Variants in CHST11 observed in about 807,000 individuals in gnomAD.
CHST11 encodes carbohydrate sulfotransferase 11.
Under a neutral mutation model 30.4 loss-of-function variants are expected in CHST11, and 9 were observed. The observed-to-expected ratio is 0.30, with a 90% CI of 0.18 to 0.52. CHST11 has a LOEUF of 0.52. Ranked by LOEUF, CHST11 falls within the 20% of genes least tolerant of loss-of-function variation. The pLI is 0.97. For missense variants in CHST11, 348 were observed against 460.6 expected, an observed-to-expected ratio of 0.76 and a Z score of 2.24; for synonymous variants, 152 against 187.8, an observed-to-expected ratio of 0.81 and a Z score of 1.56.
chr12:104,502,142 C>G (rs930684328), intron 1 of CHST11, among the ~76,000 whole-genome samples: 1 of 151,960 alleles, frequency 6.6e-6, no homozygotes, highest in African/African-American at 2.4e-5. Flanking sequence ...ATCTTCCTGT[C>G]TCGACCTCCT....
At chr12:104,605,663 T>C (rs1252246524) in intron 2 of CHST11, among the ~76,000 whole-genome samples, 1 of 152,250 alleles carries the variant, frequency 6.6e-6, no homozygotes, top group Non-Finnish European at 1.5e-5. Flanking sequence ...TTCCTGGTTC[T>C]CTGCTGTTTC....
intron 2 of CHST11, among the ~76,000 whole-genome samples, chr12:104,744,111 G>A (rs1592870626): frequency 6.6e-6 from 1 of 152,126 alleles, no homozygotes; most frequent in Non-Finnish European, 1.5e-5. Context: ...ATTCCTTTGG[G>A]TATATACCCA....
At chr12:104,734,966 C>G (rs185146133) in intron 2 of CHST11, among the ~76,000 whole-genome samples, 1 of 152,338 alleles carries the variant, frequency 6.6e-6, no homozygotes, top group African/African-American at 2.4e-5. Flanking sequence ...CTCATCAGGG[C>G]AAACTGCAAA....
intron 1 of CHST11, among the ~76,000 whole-genome samples, chr12:104,462,407 A>G (rs998875850): frequency 6.6e-6 from 1 of 152,138 alleles, no homozygotes; most frequent in Non-Finnish European, 1.5e-5. Flanking sequence ...AGACAAATAC[A>G]TCATTGTCAC....
chr12:104,723,869 T>G (rs138912131), intron 2 of CHST11, among the ~76,000 whole-genome samples: 36 of 152,300 alleles, frequency 2.4e-4, no homozygotes, highest in African/African-American at 7.7e-4. Flanking sequence ...GGAATGAAAT[T>G]TTGACACAAG....
chr12:104,629,360 G>A (rs927883594), intron 2 of CHST11, among the ~76,000 whole-genome samples: 5 of 152,218 alleles, frequency 3.3e-5, no homozygotes, highest in Non-Finnish European at 7.3e-5. Flanking sequence ...GTTGTTGGCA[G>A]AAATTGTTTC....
chr12:104,527,178 G>A (rs1408035355), intron 1 of CHST11, among the ~76,000 whole-genome samples: 1 of 152,202 alleles, frequency 6.6e-6, no homozygotes, highest in Non-Finnish European at 1.5e-5. Context: ...TCATTAGGGT[G>A]GATACTAATC....
At chr12:104,617,074 G>T (rs1396473600) in intron 2 of CHST11, among the ~76,000 whole-genome samples, 3 of 152,186 alleles carry the variant, frequency 2.0e-5, no homozygotes, top group African/African-American at 2.4e-5. Flanking sequence ...CAGCCTCTCG[G>T]TCTCTCTGGA....
At chr12:104,626,161 C>G (rs1240191157) in intron 2 of CHST11, among the ~76,000 whole-genome samples, 1 of 152,084 alleles carries the variant, frequency 6.6e-6, no homozygotes, top group Non-Finnish European at 1.5e-5. Flanking sequence ...GCTGTGGGTT[C>G]CTTTTACAAT....
chr12:104,601,820 C>A, intron 1 of CHST11, 86 bp from the exon 2 acceptor site: 1 of 1,065,196 alleles, frequency 9.4e-7, no homozygotes, highest in South Asian at 1.4e-5. Context: ...CTGCCTGTTT[C>A]TTCTTCCCTA....
intron 1 of CHST11, among the ~76,000 whole-genome samples, chr12:104,548,335 G>A (rs891850634): frequency 6.6e-6 from 1 of 152,176 alleles, no homozygotes; most frequent in East Asian, 1.9e-4. Flanking sequence ...CTGATTTGTA[G>A]CATTTGCCAA....
chr12:104,579,746 A>C (rs887133198), intron 1 of CHST11, among the ~76,000 whole-genome samples: 2 of 152,166 alleles, frequency 1.3e-5, no homozygotes, highest in African/African-American at 4.8e-5. Context: ...TGCCCGCTCT[A>C]ATTGTGTAGA....
chr12:104,588,873 T>C (rs938252584), intron 1 of CHST11: 2 of 152,080 alleles, frequency 1.3e-5, no homozygotes, highest in Non-Finnish European at 2.9e-5. Flanking sequence ...CCCGTGTTCA[T>C]AGCAGCATGA....
intron 1 of CHST11, among the ~76,000 whole-genome samples, chr12:104,549,507 C>G (rs1157597270): frequency 2.6e-5 from 4 of 152,108 alleles, no homozygotes; most frequent in African/African-American, 9.7e-5. Context: ...AAAAAACAAA[C>G]AAACAAAAGA....
At chr12:104,465,980 C>T (rs887247773) in intron 1 of CHST11, among the ~76,000 whole-genome samples, 9 of 152,028 alleles carry the variant, frequency 5.9e-5, no homozygotes, top group African/African-American at 2.2e-4. Flanking sequence ...CTGCCTCAGC[C>T]TTCTAAGTAG....
rs146020797 is a variant in CHST11, at chr12:104,665,545, C to T, written c.204+63554C>T. The stretch of plus-strand genomic sequence containing the variant: ...TGTAAACTTGGGATCATAATGACTA[C>T]TCACAGGGCGGTTCTGAGTATTAAC... On this transcript the variant is annotated intron_variant, in intron 2 of 2. Coordinates refer to ENST00000303694, the MANE Select transcript of CHST11 (RefSeq NM_018413.6). 1.7e-3 allele frequency among the ~76,000 whole-genome samples: 264 copies of T among 152,200 alleles called. 1 individual carries two copies. Among genetic ancestry groups the T allele is most frequent in the Non-Finnish European group, 3.0e-3 (202 of 68,008 alleles).
At chr12:104,668,203 A>G (rs1029025417) in intron 2 of CHST11, among the ~76,000 whole-genome samples, 3 of 152,228 alleles carry the variant, frequency 2.0e-5, no homozygotes, top group East Asian at 3.8e-4. Flanking sequence ...ATAGGGTCAT[A>G]TAGGGACTAA....
intron 2 of CHST11, among the ~76,000 whole-genome samples, chr12:104,622,727 T>C (rs577494599): frequency 6.6e-6 from 1 of 152,264 alleles, no homozygotes; most frequent in South Asian, 2.1e-4. Flanking sequence ...AGTTTCCTCA[T>C]CTCCCAATGT....
intron 1 of CHST11, among the ~76,000 whole-genome samples, chr12:104,507,349 T>G (rs2135978870): frequency 6.6e-6 from 1 of 152,336 alleles, no homozygotes; most frequent in African/African-American, 2.4e-5. Flanking sequence ...TGCCTCCTGC[T>G]GAGACAGATC....
Sources: gnomAD v4.1 joint callset for allele counts (sites outside exome capture counted in the v4.1 genomes callset) on GRCh38, gnomAD v4.1.1 for gene constraint, MANE v1.5 for transcripts, NCBI Gene and HGNC (gene_info 2026-07-23, HGNC 2026-07-21) for gene names.